ZC3H4: variants seen among roughly 807,000 people sequenced by gnomAD.
ZC3H4 encodes the protein zinc finger CCCH domain-containing protein 4.
ZC3H4 carries 13 observed loss-of-function variants against 108.3 expected under a neutral mutation model. That is an observed-to-expected ratio of 0.12 (90% confidence interval 0.08 to 0.19). The LOEUF (loss-of-function observed/expected upper bound fraction) is 0.19. ZC3H4 is among the 10% of genes least tolerant of loss of function. The pLI is 1.00. For missense variants in ZC3H4, 1,734 were observed against 1,838.8 expected, an observed-to-expected ratio of 0.94 and a Z score of 1.04; for synonymous variants, 917 against 749.6, an observed-to-expected ratio of 1.22 and a Z score of -3.65.
intron 10 of ZC3H4, 151 bp from the exon 11 acceptor site, chr19:47,081,773 T>G: frequency 1.4e-6 from 1 of 698,310 alleles, no homozygotes. Flanking sequence ...GCTCAGTGGG[T>G]TGGCAGGAAA....
Position 47,067,907 on chromosome 19 carries a change from C to A in ZC3H4, c.2399-38G>T, listed in dbSNP as rs578171376. On this transcript the variant is annotated intron_variant, in intron 14 of 14. Coordinates refer to ENST00000253048, the MANE Select transcript of ZC3H4 (RefSeq NM_015168.2). The surrounding 1 kb of genome is among the most constrained non-coding windows in gnomAD (Gnocchi z 6.4). ...AGAGGAGCAGGGAGGGGTGAGTGGGCGCATCCACCACCCGCCCTCTTGGAT... is the reference window on the plus strand; with the variant it reads ...AGAGGAGCAGGGAGGGGTGAGTGGGAGCATCCACCACCCGCCCTCTTGGAT... The A allele has an allele frequency of 6.5e-7, 1 of 1,534,090 alleles. No homozygotes were observed. Among genetic ancestry groups the A allele is most frequent in the Non-Finnish European group, 8.8e-7 (1 of 1,139,960 alleles).
chr19:47,093,492 G>A lies in ZC3H4; in HGVS notation c.492+478C>T, dbSNP rs140276191. ...AGACATACAGGGCCTTGCTAAGGCCGCATGGAGGAGGCTCGAGAACATGCC... is the reference window on the plus strand; with the variant it reads ...AGACATACAGGGCCTTGCTAAGGCCACATGGAGGAGGCTCGAGAACATGCC... On this transcript the variant is annotated intron_variant, in intron 4 of 14. Transcript: ENST00000253048. Among the ~76,000 whole-genome samples, 608 of 152,284 alleles carry A rather than the reference G, an allele frequency of 4.0e-3. 1 individual carries two copies. Among genetic ancestry groups the A allele is most frequent in the African/African-American group, 0.014 (569 of 41,546 alleles).
intron 11 of ZC3H4, among the ~76,000 whole-genome samples, chr19:47,078,596 C>G (rs2057464346): frequency 6.6e-6 from 1 of 152,174 alleles, no homozygotes; most frequent in Admixed American, 6.5e-5. Flanking sequence ...GAATTCGAGA[C>G]CAGCCTGGCC....
At position 47,071,831 on chromosome 19, in the gene ZC3H4, A is replaced by T; in HGVS notation, c.2093T>A (p.Phe698Tyr). ...IPPAQNFYEN[F>Y]YQQQEGMEME... is the part of the protein sequence containing the mutation. ...CTCCATGCCCTCCTGCTGCTGGTAG[A>T]AGTTTTCATAGAAGTTCTGGGCTGG... The change falls in exon 13 of 15, where the codon TTC becomes TAC. Residue 698 changes from phenylalanine (F) to tyrosine (Y), a missense_variant. Physicochemically the swap from Phe to Tyr is conservative, Grantham distance 22 (BLOSUM62 3). Around this residue, in one of 9 missense-constraint regions of ZC3H4, gnomAD observed 540 missense variants for 484.1 expected, o/e 1.12. Transcript: ENST00000253048. The T allele has an allele frequency of 1.2e-6, 2 of 1,613,658 alleles. No homozygotes were observed. The highest frequency in any genetic ancestry group is 1.1e-5 in the South Asian group (1 of 91,050).
intron 2 of ZC3H4, among the ~76,000 whole-genome samples, chr19:47,097,389 AG>A (rs1426446268): frequency 1.3e-5 from 2 of 152,216 alleles, no homozygotes; most frequent in Admixed American, 1.3e-4. Context: ...CTGCATTCTC[AG>A]GGCCCTCTGG....
At chr19:47,074,445 C>T (rs1271856399) in intron 11 of ZC3H4, among the ~76,000 whole-genome samples, 1 of 152,208 alleles carries the variant, frequency 6.6e-6, no homozygotes, top group Non-Finnish European at 1.5e-5. Context: ...AAAATCTCAA[C>T]TGGACTAGAA....
chr19:47,091,520 G>C (rs1301201508), intron 4 of ZC3H4, among the ~76,000 whole-genome samples: 1 of 152,034 alleles, frequency 6.6e-6, no homozygotes, highest in Non-Finnish European at 1.5e-5. Context: ...GATGCGGTGA[G>C]GCAAGATTGC....
At position 47,112,506 on chromosome 19, in the gene ZC3H4, G is replaced by T. The variant is rs1283164423; in HGVS notation, c.79C>A (p.Pro27Thr). 1.8e-6 allele frequency: 2 copies of T among 1,107,154 alleles called. No individual in the cohort carries two copies. The highest frequency in any genetic ancestry group is 3.2e-5 in the East Asian group (1 of 31,306). 68.6% of individuals were successfully genotyped at this position (1,107,154 alleles called of 1,614,324 possible). A position where few individuals can be genotyped will look rare whatever the true frequency, so the allele number is the denominator to read the frequency against. The change falls in exon 2 of 15, where the codon CCT becomes ACT. Residue 27 changes from proline (P) to threonine (T), a missense_variant. Transcript: ENST00000253048. ...PPPSPPPPST[P>T]SPPPCSPDAR... ...TCGGGGGAACACGGAGGAGGCGAAG[G>T]CGTTGATGGCGGCGGCGGCGATGGC...
intron 2 of ZC3H4, chr19:47,110,897 A>C: frequency 1.0e-6 from 1 of 985,246 alleles, no homozygotes; most frequent in Non-Finnish European, 1.2e-6. Flanking sequence ...AAGCTCACCA[A>C]ACTGCTGCAC....
chr19:47,067,111 C>G lies in ZC3H4; in HGVS notation c.3157G>C (p.Val1053Leu). 1 of 1,611,824 alleles carries G rather than the reference C, an allele frequency of 6.2e-7. No individual in the cohort carries two copies. The highest frequency in any genetic ancestry group is 8.5e-7 in the Non-Finnish European group (1 of 1,178,918). Residue 1053 changes from valine (V) to leucine (L), a missense_variant, in exon 15 of 15, where the codon GTC (valine) becomes CTC (leucine). Val to Leu is a conservative substitution (Grantham distance 32, BLOSUM62 1). Coordinates refer to ENST00000253048, the MANE Select transcript of ZC3H4 (RefSeq NM_015168.2). This position sits in a 1 kb window ranked among gnomAD's most constrained non-coding sequence, Gnocchi z 6.4. Reference sequence around the variant, plus strand: ...GCGGCCGAGGAGCCGGTGGCATTGACTGTCTTGAGGATGCGAGACAGAAGT... The same window carrying G: ...GCGGCCGAGGAGCCGGTGGCATTGAGTGTCTTGAGGATGCGAGACAGAAGT... ...FELLSRILKTVNATGSSAAPG... is the reference protein window; with the variant it reads ...FELLSRILKTLNATGSSAAPG...
At chr19:47,069,925 C>T (rs998971647) in intron 13 of ZC3H4, among the ~76,000 whole-genome samples, 1 of 152,184 alleles carries the variant, frequency 6.6e-6, no homozygotes, top group African/African-American at 2.4e-5. Context: ...TCAGGAAGCA[C>T]GGGGCCTCCA....
intron 11 of ZC3H4, 49 bp downstream of exon 11, chr19:47,081,464 G>A (rs370814190): frequency 4.4e-5 from 62 of 1,423,454 alleles, no homozygotes; most frequent in Admixed American, 6.7e-5. Context: ...AATGGAGTGC[G>A]CATGTCCCAG....
rs1406997334 is a variant in ZC3H4 at position 47,072,883 on chromosome 19, T to A, written c.1441-170A>T. 6.6e-6 allele frequency among the ~76,000 whole-genome samples: 1 copy of A among 151,946 alleles called. No individual in the cohort carries two copies. Among genetic ancestry groups the A allele is most frequent in the African/African-American group, 2.4e-5 (1 of 41,346 alleles). On this transcript the variant is annotated intron_variant, in intron 11 of 14. Transcript: ENST00000253048. The surrounding 1 kb of genome is among the most constrained non-coding windows in gnomAD (Gnocchi z 5.6). ...GTAACAAAAATCATCATCAGCCACC[T>A]CTCTGCTCCACTCTCGGGGACCAGC...
At position 47,066,889 on chromosome 19, in the gene ZC3H4, C is replaced by T; in HGVS notation, c.3379G>A (p.Ala1127Thr). The T allele has an allele frequency of 6.3e-7, 1 of 1,598,334 alleles. No individual in the cohort carries two copies. Among genetic ancestry groups the T allele is most frequent in the Non-Finnish European group, 8.5e-7 (1 of 1,178,494 alleles). ...ATAPYDPRVLAAGGLGQGGGG... is the reference protein window; with the variant it reads ...ATAPYDPRVLTAGGLGQGGGG... ...CCGCCCTGGCCCAGTCCACCGGCCGCCAGCACGCGGGGGTCGTAGGGAGCG... is the reference window on the plus strand; with the variant it reads ...CCGCCCTGGCCCAGTCCACCGGCCGTCAGCACGCGGGGGTCGTAGGGAGCG... Residue 1127 changes from alanine (A) to threonine (T), a missense_variant, in exon 15 of 15, where the codon GCG becomes ACG. Physicochemically the swap from Ala to Thr is moderately conservative, Grantham distance 58 (BLOSUM62 0). This residue lies in a region of ZC3H4 where 518 missense variants were observed against 499.6 expected (regional missense o/e 1.04). Coordinates refer to ENST00000253048, the MANE Select transcript of ZC3H4 (RefSeq NM_015168.2).
intron 5 of ZC3H4, among the ~76,000 whole-genome samples, chr19:47,089,204 CAAAA>C (rs888647856): frequency 1.1e-4 from 3 of 26,840 alleles, no homozygotes; most frequent in African/African-American, 3.8e-4. Flanking sequence ...GACTCCGTCT[CAAAA>C]AAAAAAAAAA....
intron 11 of ZC3H4, among the ~76,000 whole-genome samples, chr19:47,077,862 A>G (rs977870995): frequency 1.6e-5 from 2 of 121,380 alleles, no homozygotes; most frequent in Non-Finnish European, 3.2e-5. Flanking sequence ...CGTCTCAAAC[A>G]AAAAAAAAAA....
chr19:47,082,671 G>A (rs779001517), intron 9 of ZC3H4, among the ~76,000 whole-genome samples: 12 of 152,156 alleles, frequency 7.9e-5, no homozygotes, highest in Non-Finnish European at 1.8e-4. Flanking sequence ...GACCTTGGAT[G>A]TGATGCTCGG....
intron 14 of ZC3H4, among the ~76,000 whole-genome samples, 156 bp from the exon 15 acceptor site, chr19:47,068,025 TGAGGA>T (rs1311072836): frequency 1.3e-5 from 2 of 152,148 alleles, no homozygotes; most frequent in East Asian, 3.9e-4. Flanking sequence ...AGTGGGCGGC[TGAGGA>T]GACCCAGAGA....
At chr19:47,093,650 T>C (rs1256974096) in intron 4 of ZC3H4, 1 of 212,360 alleles carries the variant, frequency 4.7e-6, no homozygotes, top group African/African-American at 2.3e-5. Context: ...TAGAGTACAG[T>C]GGCTGATCAT....
Sources: allele counts gnomAD v4.1 joint callset (sites outside exome capture counted in the v4.1 genomes callset), GRCh38; gene constraint gnomAD v4.1.1; regional missense constraint gnomAD v4.1.1; non-coding constraint Gnocchi (gnomAD v3.1); transcripts MANE v1.5; gene names NCBI Gene and HGNC (gene_info 2026-07-23, HGNC 2026-07-21).